Variants in ELP1 observed in about 807,000 individuals in gnomAD.
The protein encoded by ELP1 is elongator acetyltransferase complex subunit 1.
ELP1 carries 131 observed loss-of-function variants against 183.2 expected under a neutral mutation model. That is an observed-to-expected ratio of 0.72 (90% CI 0.62 to 0.83). ELP1 has a LOEUF of 0.83. Ranked by LOEUF, ELP1 falls within the 40% of genes least tolerant of loss-of-function variation. The pLI is 0.00. For missense variants in ELP1, 1,550 were observed against 1,594.9 expected, an observed-to-expected ratio of 0.97 and a Z score of 0.48; for synonymous variants, 555 against 569.0, an observed-to-expected ratio of 0.98 and a Z score of 0.35.
In ELP1 at chr9:108,902,899, T is replaced by C. The variant is rs1301928591; in HGVS notation, c.1794A>G (p.Gly598=). 6.2e-7 allele frequency: 1 copy of C among 1,613,850 alleles called. No homozygotes were observed. Among genetic ancestry groups the C allele is most frequent in the African/African-American group, 1.3e-5 (1 of 74,876 alleles). ...LAIKPWKNSG[G]FPVRFPYPCT... The stretch of plus-strand genomic sequence containing the variant: ...ATGGATAAGGAAACCGAACAGGAAA[T>C]CCACCAGAGTTCTTCCATGGTTTAA... The change falls in exon 16 of 37, where the codon GGA becomes GGG. Residue 598 remains glycine, a synonymous_variant. Coordinates refer to ENST00000374647, the MANE Select transcript of ELP1 (RefSeq NM_003640.5).
At position 108,916,256 on chromosome 9, in the gene ELP1, T is replaced by C. The variant is rs1415012859; in HGVS notation, c.906A>G (p.Ala302=). The change falls in exon 10 of 37, where the codon GCA becomes GCG. Residue 302 remains alanine, a synonymous_variant. Coordinates refer to ENST00000374647, the MANE Select transcript of ELP1 (RefSeq NM_003640.5). Reference sequence around the variant, plus strand: ...CTCTCTGAAGGTCTTCCAGCCAGACTGCAAGCACAGAGGAATCTGCATTCC... The same window carrying C: ...CTCTCTGAAGGTCTTCCAGCCAGACCGCAAGCACAGAGGAATCTGCATTCC... ...LLWNADSSVL[A]VWLEDLQREE... 3.7e-6 allele frequency: 6 copies of C among 1,614,094 alleles called. No homozygotes were observed. Among genetic ancestry groups the C allele is most frequent in the Non-Finnish European group, 2.5e-6 (3 of 1,180,026 alleles).
chr9:108,892,315 T>C (rs901363432), intron 27 of ELP1, among the ~76,000 whole-genome samples: 4 of 152,174 alleles, frequency 2.6e-5, no homozygotes, highest in African/African-American at 7.2e-5. Flanking sequence ...TCTGTAGAAC[T>C]ACCTACAAGT....
At chr9:108,915,646 A>ACT (rs1406916484) in intron 10 of ELP1, among the ~76,000 whole-genome samples, 2 of 149,956 alleles carry the variant, frequency 1.3e-5, no homozygotes, top group Admixed American at 6.7e-5. Flanking sequence ...ACACTCTATT[A>ACT]CTCTCTCTCC....
chr9:108,929,957 T>A, intron 2 of ELP1, 36 bp from the exon 3 acceptor site: 2 of 1,607,696 alleles, frequency 1.2e-6, no homozygotes, highest in Non-Finnish European at 1.7e-6. Context: ...ATTAACCCAG[T>A]CTACTTTCAA....
chr9:108,871,542 G>A (rs1417126661), intron 36 of ELP1, among the ~76,000 whole-genome samples: 3 of 152,130 alleles, frequency 2.0e-5, no homozygotes, highest in African/African-American at 4.8e-5. Context: ...TTCCAGGCTC[G>A]GGGGTTAGCA....
chr9:108,925,755 GC>G (rs1368098862), intron 5 of ELP1, among the ~76,000 whole-genome samples: 1 of 152,132 alleles, frequency 6.6e-6, no homozygotes, highest in African/African-American at 2.4e-5. Flanking sequence ...TCCCTACGTT[GC>G]CTAGGCTAGT....
intron 11 of ELP1, among the ~76,000 whole-genome samples, chr9:108,911,608 T>C (rs1049305111): frequency 6.6e-6 from 1 of 152,178 alleles, no homozygotes; most frequent in African/African-American, 2.4e-5. Flanking sequence ...GACTATAAAA[T>C]CAGTATTATG....
At chr9:108,932,356 T>C (rs1437049751) in intron 1 of ELP1, among the ~76,000 whole-genome samples, 1 of 151,544 alleles carries the variant, frequency 6.6e-6, no homozygotes, top group African/African-American at 2.4e-5. Flanking sequence ...TTTTTTGTTT[T>C]TTGAGACGGA....
chr9:108,876,120 T>C (rs996398624), intron 35 of ELP1, among the ~76,000 whole-genome samples: 3 of 151,676 alleles, frequency 2.0e-5, no homozygotes, highest in Non-Finnish European at 4.4e-5. Flanking sequence ...TACAGAAAAT[T>C]TGAAAATTAA....
At chr9:108,914,650 G>A (rs1272992976) in intron 10 of ELP1, among the ~76,000 whole-genome samples, 1 of 152,034 alleles carries the variant, frequency 6.6e-6, no homozygotes, top group African/African-American at 2.4e-5. Context: ...TTTTGAGACA[G>A]TCTCACTCTG....
At position 108,881,469 on chromosome 9, in the gene ELP1, A is replaced by G. The variant is rs1213023295; in HGVS notation, c.3346+236T>C. On this transcript the variant is annotated intron_variant, in intron 31 of 36. Coordinates refer to ENST00000374647, the MANE Select transcript of ELP1 (RefSeq NM_003640.5). ...TCAAGTTTACTATTTCCAAATACAA[A>G]GATTCTTAATCATATTTGATCACAG... is the stretch of plus-strand genomic sequence containing the variant. 2.0e-5 allele frequency among the ~76,000 whole-genome samples: 3 copies of G among 152,236 alleles called. No homozygotes were observed. The East Asian group carries it at 5.8e-4, about 29-fold the overall frequency.
rs1357073107 is a variant in ELP1, at chr9:108,917,763, A to G, written c.741-93T>C. On this transcript the variant is annotated intron_variant, in intron 8 of 36. Transcript: ENST00000374647. Reference sequence around the variant, plus strand: ...AGAGTTTTTTTTCCAGCAAACATGAATGAATGAATGAACGAATTAATGAAT... The same window carrying G: ...AGAGTTTTTTTTCCAGCAAACATGAGTGAATGAATGAACGAATTAATGAAT... The G allele has an allele frequency of 7.2e-6, 9 of 1,252,668 alleles. No homozygotes were observed. In the East Asian group the frequency reaches 2.1e-4, roughly 29 times the overall value. 77.6% of individuals were successfully genotyped at this position (1,252,668 alleles called of 1,614,324 possible). A position where few individuals can be genotyped will look rare whatever the true frequency, so the allele number is the denominator to read the frequency against.
At chr9:108,890,378 T>C (rs1053217730) in intron 28 of ELP1, among the ~76,000 whole-genome samples, 1 of 152,232 alleles carries the variant, frequency 6.6e-6, no homozygotes, top group Non-Finnish European at 1.5e-5. Flanking sequence ...TACATAAATT[T>C]AACAAAATTT....
intron 5 of ELP1, among the ~76,000 whole-genome samples, chr9:108,924,477 T>C (rs149485144): frequency 9.8e-5 from 15 of 152,294 alleles, no homozygotes; most frequent in African/African-American, 3.6e-4. Context: ...CATTAGGATT[T>C]GTGTGAAAAA....
In ELP1 at chr9:108,931,177, C is replaced by T; in HGVS notation, c.-31G>A. 6.2e-7 allele frequency: 1 copy of T among 1,605,966 alleles called. No homozygotes were observed. Among genetic ancestry groups the T allele is most frequent in the Non-Finnish European group, 8.5e-7 (1 of 1,172,648 alleles). ...AGTGATTCCCACGAGACAAGTACAA[C>T]TATCCCTTGATGAATCATTAATCTC... On this transcript the variant is annotated 5_prime_UTR_variant, in exon 2 of 37. Coordinates refer to ENST00000374647, the MANE Select transcript of ELP1 (RefSeq NM_003640.5).
intron 24 of ELP1, 78 bp from the exon 25 acceptor site, chr9:108,896,722 G>T: frequency 7.1e-7 from 1 of 1,410,548 alleles, no homozygotes; most frequent in Non-Finnish European, 1.0e-6. Flanking sequence ...TAACCAAAAA[G>T]ACAATAAATT....
intron 36 of ELP1, among the ~76,000 whole-genome samples, chr9:108,870,527 G>C (rs1199641309): frequency 6.6e-6 from 1 of 152,174 alleles, no homozygotes; most frequent in Non-Finnish European, 1.5e-5. Flanking sequence ...GGCTGAAGTA[G>C]AGGAGGAAGT....
At chr9:108,898,442 C>A (rs1175633638) in intron 22 of ELP1, 60 bp downstream of exon 22, 2 of 1,113,748 alleles carry the variant, frequency 1.8e-6, no homozygotes, top group Middle Eastern at 2.9e-4. Context: ...TGCTTGATTT[C>A]CTTAACAAGA....
rs755444003 is a variant in ELP1, at chr9:108,912,404, A to G, written c.1049T>C (p.Met350Thr). The G allele has an allele frequency of 1.9e-6, 3 of 1,614,040 alleles. No homozygotes were observed. The highest frequency in any genetic ancestry group is 2.5e-6 in the Non-Finnish European group (3 of 1,180,020). Residue 350 changes from methionine (M) to threonine (T), a missense_variant, in exon 11 of 37, where the codon ATG (methionine) becomes ACG (threonine). By Grantham distance (81) the Met-to-Thr change is moderately conservative (BLOSUM62 -1). Transcript: ENST00000374647. ...CCGGTATGGGGTCACAGGGTCCCAC[A>G]TCAGAGACACAATCTTGCTCTTCCC... Reference protein sequence around the residue: ...TCGKSKIVSLMWDPVTPYRLH... With the variant: ...TCGKSKIVSLTWDPVTPYRLH...
Sources: gnomAD v4.1 joint callset for allele counts (sites outside exome capture counted in the v4.1 genomes callset) on GRCh38, gnomAD v4.1.1 for gene constraint, MANE v1.5 for transcripts, NCBI Gene and HGNC (gene_info 2026-07-23, HGNC 2026-07-21) for gene names.